VPS37C: variants seen among roughly 807,000 people sequenced by gnomAD.
VPS37C encodes vacuolar protein sorting-associated protein 37C.
A neutral mutation model predicts 16.1 loss-of-function variants in VPS37C; 9 were observed. The ratio of observed to expected loss-of-function variants is 0.56; its 90% confidence interval spans 0.34 to 0.97. The LOEUF (loss-of-function observed/expected upper bound fraction) is 0.97. Ranked by LOEUF, VPS37C falls within the 50% of genes least tolerant of loss-of-function variation. VPS37C has a pLI of 0.02. For missense variants in VPS37C, 479 were observed against 472.7 expected (o/e 1.01, Z -0.12); for synonymous variants, 207 against 206.4 (o/e 1.00, Z -0.02).
chr11:61,157,577 G>C (rs903817854), intron 1 of VPS37C, among the ~76,000 whole-genome samples: 5 of 152,128 alleles, frequency 3.3e-5, no homozygotes, highest in Non-Finnish European at 7.4e-5. Flanking sequence ...ACCCACTTTT[G>C]AATCGGGTTG....
intron 1 of VPS37C, among the ~76,000 whole-genome samples, chr11:61,156,446 A>G (rs1853377777): frequency 6.6e-6 from 1 of 152,106 alleles, no homozygotes; most frequent in South Asian, 2.1e-4. Flanking sequence ...TTAGCTGGGC[A>G]TGGTAGGCAC....
At position 61,130,702 on chromosome 11, in the gene VPS37C, A is replaced by G; in HGVS notation, c.*1118T>C. On this transcript the variant is annotated 3_prime_UTR_variant, in exon 5 of 5. Coordinates refer to ENST00000301765, the MANE Select transcript of VPS37C (RefSeq NM_017966.5). Reference sequence around the variant, plus strand: ...AACCCCACAGTGCAGGGGGCTGCATATTAAACAGAGACATAATCCCCACCC... The same window carrying G: ...AACCCCACAGTGCAGGGGGCTGCATGTTAAACAGAGACATAATCCCCACCC... The G allele has an allele frequency of 2.6e-6, 1 of 390,098 alleles. No homozygotes were observed. Among genetic ancestry groups the G allele is most frequent in the Non-Finnish European group, 4.9e-6 (1 of 203,580 alleles). 24.2% of individuals were successfully genotyped at this position (390,098 alleles called of 1,614,324 possible).
chr11:61,148,219 G>A (rs772443875), intron 1 of VPS37C, among the ~76,000 whole-genome samples: 3 of 152,140 alleles, frequency 2.0e-5, no homozygotes, highest in Non-Finnish European at 4.4e-5. Context: ...ACGGCTCCCA[G>A]CACTCCCCTC....
intron 1 of VPS37C, among the ~76,000 whole-genome samples, chr11:61,142,368 AC>A (rs1861487062): frequency 1.3e-5 from 2 of 151,258 alleles, no homozygotes; most frequent in African/African-American, 4.9e-5. Flanking sequence ...AGTAAACCGG[AC>A]TACAGGCATG....
At chr11:61,154,793 T>G (rs1853353796) in intron 1 of VPS37C, among the ~76,000 whole-genome samples, 1 of 152,124 alleles carries the variant, frequency 6.6e-6, no homozygotes, top group African/African-American at 2.4e-5. Context: ...CATCATTACA[T>G]TGTTTAAACT....
intron 1 of VPS37C, among the ~76,000 whole-genome samples, chr11:61,151,238 C>T (rs1438628523): frequency 6.6e-6 from 1 of 152,156 alleles, no homozygotes; most frequent in East Asian, 1.9e-4. Context: ...TCAACTAGAC[C>T]CCTGAAGAGT....
At chr11:61,141,869 GCT>G (rs149469012) in intron 1 of VPS37C, among the ~76,000 whole-genome samples, 11,338 of 152,302 alleles carry the variant, frequency 0.074, 1,126 homozygotes, top group African/African-American at 0.23. Context: ...GAGGATGGAA[GCT>G]CTGTCGCAGG....
At chr11:61,136,611 G>GGTCA (rs35919219) in intron 2 of VPS37C, among the ~76,000 whole-genome samples, 111,179 of 151,662 alleles carry the variant, frequency 0.73, 42,016 homozygotes, top group East Asian at 1. Context: ...ACTGAAAAGA[G>GGTCA]GTAAGACTAA....
chr11:61,157,894 T>C (rs530026414), intron 1 of VPS37C, among the ~76,000 whole-genome samples: 1 of 152,330 alleles, frequency 6.6e-6, no homozygotes, highest in South Asian at 2.1e-4. Context: ...CTTGCTCTCT[T>C]AGTTCACATG....
chr11:61,132,093 G>T lies in VPS37C; in HGVS notation c.795C>A (p.Ser265Arg), dbSNP rs572696384. The T allele has an allele frequency of 2.5e-5, 35 of 1,401,306 alleles. 1 individual carries two copies. The highest frequency in any genetic ancestry group is 2.6e-5 in the Non-Finnish European group (28 of 1,073,274). The allele number at this position is 1,401,306 out of a possible 1,614,324, so 86.8% of individuals were successfully genotyped here. The change falls in exon 5 of 5, where the codon AGC (serine) becomes AGA (arginine). Residue 265 changes from serine to arginine, a missense_variant. Physicochemically the swap from Ser to Arg is moderately radical, Grantham distance 110. Transcript: ENST00000301765. ...CAGGATAGCCCGGCCGGGGTGGCAT[G>T]CTCCTCTGTGGGGACCAGGAGTAAC... ...AAGYSWSPQR[S>R]MPPRPGYPGT...
At chr11:61,133,640 C>T (rs666886) in intron 3 of VPS37C, among the ~76,000 whole-genome samples, 8,600 of 152,288 alleles carry the variant, frequency 0.056, 362 homozygotes, top group Middle Eastern at 0.22. Context: ...AGTTACCTAA[C>T]CTGAGTGTCA....
rs201088253 is a variant in VPS37C at position 61,132,128 on chromosome 11, C to A, written c.760G>T (p.Gly254Cys). 7.8e-4 allele frequency: 1,126 copies of A among 1,440,762 alleles called. 1 individual carries two copies. The highest frequency in any genetic ancestry group is 8.3e-4 in the Non-Finnish European group (911 of 1,093,196). 89.2% of individuals were successfully genotyped at this position (1,440,762 alleles called of 1,614,324 possible). A position where few individuals can be genotyped will look rare whatever the true frequency, so the allele number is the denominator to read the frequency against. The change falls in exon 5 of 5, where the codon GGT becomes TGT. Residue 254 changes from glycine (G) to cysteine (C), a missense_variant. Physicochemically the swap from Gly to Cys is radical, Grantham distance 159. Transcript: ENST00000301765. ...TYPAAQLGPR[G>C]AAGYSWSPQR... Reference sequence around the variant, plus strand: ...GGGGACCAGGAGTAACCCGCAGCACCCCTGGGTCCAAGCTGGGCTGCCGGG... The same window carrying A: ...GGGGACCAGGAGTAACCCGCAGCACACCTGGGTCCAAGCTGGGCTGCCGGG...
At chr11:61,139,427 C>A (rs931817955) in intron 1 of VPS37C, among the ~76,000 whole-genome samples, 2 of 146,260 alleles carry the variant, frequency 1.4e-5, no homozygotes, top group Non-Finnish European at 3.0e-5. Context: ...CTGTCATATG[C>A]GCATCCTCAT....
chr11:61,148,717 C>A (rs916383051), intron 1 of VPS37C, among the ~76,000 whole-genome samples: 3 of 151,976 alleles, frequency 2.0e-5, no homozygotes, highest in Non-Finnish European at 2.9e-5. Flanking sequence ...CATTTTTTTG[C>A]GTTTTTAGTT....
At chr11:61,134,301 C>T in intron 2 of VPS37C, 94 bp from the exon 3 acceptor site, 2 of 1,410,296 alleles carry the variant, frequency 1.4e-6, no homozygotes, top group East Asian at 2.3e-5. Context: ...ACATTGCTCA[C>T]CTTGGGGCGG....
chr11:61,140,784 T>C (rs1341638422), intron 1 of VPS37C, among the ~76,000 whole-genome samples: 1 of 152,130 alleles, frequency 6.6e-6, no homozygotes, highest in Non-Finnish European at 1.5e-5. Flanking sequence ...CAAGGAGAGG[T>C]AGCAGCAGCC....
At chr11:61,153,609 T>C (rs1853334724) in intron 1 of VPS37C, among the ~76,000 whole-genome samples, 1 of 152,164 alleles carries the variant, frequency 6.6e-6, no homozygotes. Flanking sequence ...CATAAAATGA[T>C]AGTTTGTAAA....
intron 1 of VPS37C, among the ~76,000 whole-genome samples, chr11:61,152,643 G>C (rs563780323): frequency 6.6e-6 from 1 of 152,068 alleles, no homozygotes. Context: ...AGCTGACCCC[G>C]AGCCTCTATT....
chr11:61,141,311 T>C (rs1311854863), intron 1 of VPS37C, among the ~76,000 whole-genome samples: 1 of 149,982 alleles, frequency 6.7e-6, no homozygotes, highest in African/African-American at 2.5e-5. Flanking sequence ...GAGGTTACAG[T>C]GAGCAGAGAT....
Sources: gnomAD v4.1 joint callset for allele counts (sites outside exome capture counted in the v4.1 genomes callset) on GRCh38, gnomAD v4.1.1 for gene constraint, MANE v1.5 for transcripts, NCBI Gene and HGNC (gene_info 2026-07-23, HGNC 2026-07-21) for gene names.